CWF19L2: variants seen among roughly 807,000 people sequenced by gnomAD.
The protein encoded by CWF19L2 is CWF19 like cell cycle control factor 2.
Under a neutral mutation model 111.7 loss-of-function variants are expected in CWF19L2, and 98 were observed. The ratio of observed to expected loss-of-function variants is 0.88; its 90% CI spans 0.75 to 1.04. The LOEUF is 1.04. Among genes scored for constraint, CWF19L2 ranks in the 50% least tolerant of loss-of-function variants. The pLI is 0.00. For missense variants in CWF19L2, 1,101 were observed against 1,051.4 expected, an observed-to-expected ratio of 1.05 and a Z score of -0.65; for synonymous variants, 351 against 342.9, an observed-to-expected ratio of 1.02 and a Z score of -0.26.
At chr11:107,341,385 TATA>T (rs1428007958) in intron 14 of CWF19L2, among the ~76,000 whole-genome samples, 1 of 152,242 alleles carries the variant, frequency 6.6e-6, no homozygotes, top group African/African-American at 2.4e-5. Flanking sequence ...CATGGTGGAT[TATA>T]ATGATTTATT....
intron 10 of CWF19L2, among the ~76,000 whole-genome samples, 151 bp from the exon 11 acceptor site, chr11:107,393,046 C>T (rs1860872031): frequency 6.6e-6 from 1 of 152,054 alleles, no homozygotes; most frequent in African/African-American, 2.4e-5. Flanking sequence ...ACTCTCTATA[C>T]TATAAAATGA....
At chr11:107,392,706 A>C in intron 11 of CWF19L2, 73 bp downstream of exon 11, 1 of 835,752 alleles carries the variant, frequency 1.2e-6, no homozygotes, top group South Asian at 1.6e-5. Flanking sequence ...ATATTTTATA[A>C]TCTGATACAA....
intron 13 of CWF19L2, among the ~76,000 whole-genome samples, chr11:107,350,214 T>C (rs996109171): frequency 1.3e-5 from 2 of 152,180 alleles, no homozygotes; most frequent in African/African-American, 4.8e-5. Flanking sequence ...CAATAATTAC[T>C]GAGGGCCAAT....
intron 14 of CWF19L2, among the ~76,000 whole-genome samples, chr11:107,340,583 C>T (rs965647233): frequency 6.6e-6 from 1 of 152,166 alleles, no homozygotes; most frequent in Non-Finnish European, 1.5e-5. Context: ...AATAATCTTG[C>T]TTATTATACA....
chr11:107,334,183 A>G (rs1301352008), intron 16 of CWF19L2, among the ~76,000 whole-genome samples: 1 of 152,230 alleles, frequency 6.6e-6, no homozygotes, highest in African/African-American at 2.4e-5. Context: ...CAGGCACACA[A>G]TAAATATTTG....
At chr11:107,441,716 G>A (rs1861621560) in intron 4 of CWF19L2, 94 bp from the exon 5 acceptor site, 2 of 1,299,640 alleles carry the variant, frequency 1.5e-6, no homozygotes, top group Non-Finnish European at 9.9e-7. Context: ...AATAAGAGCA[G>A]GGACTTTGGA....
At chr11:107,333,438 C>T (rs1178629148) in intron 16 of CWF19L2, among the ~76,000 whole-genome samples, 1 of 152,094 alleles carries the variant, frequency 6.6e-6, no homozygotes, top group East Asian at 1.9e-4. Flanking sequence ...TTTTTTTCTC[C>T]TTTGAAATAT....
At chr11:107,455,943 T>A (rs201372240) in intron 1 of CWF19L2, among the ~76,000 whole-genome samples, 167 bp from the exon 2 acceptor site, 6 of 152,158 alleles carry the variant, frequency 3.9e-5, no homozygotes, top group Admixed American at 3.3e-4. Context: ...AATAAAAAAA[T>A]AAATAAATAA....
intron 10 of CWF19L2, among the ~76,000 whole-genome samples, chr11:107,397,300 G>C (rs78845768): frequency 0.012 from 1,880 of 152,186 alleles, 35 homozygotes; most frequent in African/African-American, 0.042. Context: ...CCTCAGCCTG[G>C]AAACAGACTC....
intron 10 of CWF19L2, among the ~76,000 whole-genome samples, chr11:107,399,432 C>G (rs556108755): frequency 6.6e-6 from 1 of 152,230 alleles, no homozygotes; most frequent in East Asian, 1.9e-4. Context: ...ATTCTTATAT[C>G]AGACAAAACA....
chr11:107,353,746 C>G lies in CWF19L2; in HGVS notation c.1873-10G>C. On this transcript the variant is annotated splice_polypyrimidine_tract_variant and intron_variant, in intron 12 of 17. Coordinates refer to ENST00000282251, the MANE Select transcript of CWF19L2 (RefSeq NM_152434.3). Reference sequence around the variant, plus strand: ...CTGTTTTTCCCATAAACTGAAAAACCAAAATAACAGTAATAGAGAGTAGAA... The same window carrying G: ...CTGTTTTTCCCATAAACTGAAAAACGAAAATAACAGTAATAGAGAGTAGAA... 1.9e-6 allele frequency: 3 copies of G among 1,607,560 alleles called. No individual in the cohort carries two copies. Among genetic ancestry groups the G allele is most frequent in the Non-Finnish European group, 2.6e-6 (3 of 1,174,556 alleles).
chr11:107,377,969 C>T (rs1412665285), intron 12 of CWF19L2, among the ~76,000 whole-genome samples: 4 of 152,110 alleles, frequency 2.6e-5, no homozygotes, highest in East Asian at 1.9e-4. Context: ...TATGAACAGA[C>T]ACTTCTCAAA....
chr11:107,355,337 C>G (rs991506178), intron 12 of CWF19L2, among the ~76,000 whole-genome samples: 9 of 151,546 alleles, frequency 5.9e-5, no homozygotes, highest in Non-Finnish European at 1.0e-4. Context: ...ATCGCTTGAA[C>G]CAGGGAGATG....
chr11:107,385,847 T>C (rs1385176564), intron 12 of CWF19L2, among the ~76,000 whole-genome samples: 1 of 152,230 alleles, frequency 6.6e-6, no homozygotes, highest in Non-Finnish European at 1.5e-5. Context: ...TCAGTAGCTA[T>C]TTCAGTTATG....
intron 12 of CWF19L2, among the ~76,000 whole-genome samples, chr11:107,354,290 C>T (rs188038863): frequency 1.3e-3 from 203 of 152,106 alleles, no homozygotes; most frequent in African/African-American, 3.8e-3. Flanking sequence ...AACTTGAAAG[C>T]CAACTAAATC....
At position 107,334,916 on chromosome 11, in the gene CWF19L2, A is replaced by G; in HGVS notation, c.2404T>C (p.Leu802=). 6.2e-7 allele frequency: 1 copy of G among 1,608,366 alleles called. No individual in the cohort carries two copies. Among genetic ancestry groups the G allele is most frequent in the East Asian group, 2.2e-5 (1 of 44,800 alleles). Residue 802 remains leucine (L), a synonymous_variant, in exon 16 of 18, where the codon TTG becomes CTG. Coordinates refer to ENST00000282251, the MANE Select transcript of CWF19L2 (RefSeq NM_152434.3). ...SDEEWSMNKK[L]IDLSSKDIRK... ...ATATCTTTTGAAGAGAGATCTATCA[A>G]CTTCTTGTTCATGGACCACTCTTCA...
chr11:107,433,179 G>C (rs1306956747), intron 7 of CWF19L2, among the ~76,000 whole-genome samples: 1 of 152,042 alleles, frequency 6.6e-6, no homozygotes, highest in East Asian at 1.9e-4. Flanking sequence ...GCAATAGAAA[G>C]ATTGTCCAGA....
chr11:107,436,208 A>G (rs1861540108), intron 6 of CWF19L2, among the ~76,000 whole-genome samples: 1 of 152,090 alleles, frequency 6.6e-6, no homozygotes, highest in Admixed American at 6.5e-5. Flanking sequence ...AGGAAGTACA[A>G]ACATGAATGT....
In CWF19L2 at chr11:107,353,524, C is replaced by A. The variant is rs761663112; in HGVS notation, c.2085G>T (p.Lys695Asn). The A allele has an allele frequency of 6.2e-7, 1 of 1,610,590 alleles. No homozygotes were observed. The change falls in exon 13 of 18, where the codon AAG (lysine) becomes AAT (asparagine). Residue 695 changes from lysine to asparagine, a missense_variant and splice_region_variant. Physicochemically the swap from Lys to Asn is moderately conservative, Grantham distance 94. Coordinates refer to ENST00000282251, the MANE Select transcript of CWF19L2 (RefSeq NM_152434.3). ...GCAAAGGATAATAAATACTTCTTACCTTAACACCTATTGCAACAATAAGAT... is the reference window on the plus strand; with the variant it reads ...GCAAAGGATAATAAATACTTCTTACATTAACACCTATTGCAACAATAAGAT... ...PKHLIVAIGV[K>N]VYLCLPNVRS...
Sources: allele counts gnomAD v4.1 joint callset (sites outside exome capture counted in the v4.1 genomes callset), GRCh38; gene constraint gnomAD v4.1.1; transcripts MANE v1.5; gene names NCBI Gene and HGNC (gene_info 2026-07-23, HGNC 2026-07-21).